The following ANKRD44 variants were observed in gnomAD, a reference collection of about 807,000 sequenced individuals.
ANKRD44 encodes the protein ankyrin repeat domain 44, also known as serine/threonine-protein phosphatase 6 regulatory ankyrin repeat subunit B.
Under a neutral mutation model 116.0 loss-of-function variants are expected in ANKRD44, and 35 were observed. The ratio of observed to expected loss-of-function variants is 0.30; its 90% CI spans 0.23 to 0.40. The LOEUF (loss-of-function observed/expected upper bound fraction) is 0.40. Ranked by LOEUF, ANKRD44 falls within the 10% of genes least tolerant of loss-of-function variation. ANKRD44 has a pLI of 1.00. For missense variants in ANKRD44, 1,014 were observed against 1,242.6 expected, an observed-to-expected ratio of 0.82 and a Z score of 2.77; for synonymous variants, 435 against 461.8, an observed-to-expected ratio of 0.94 and a Z score of 0.74.
intron 1 of ANKRD44, among the ~76,000 whole-genome samples, chr2:197,250,622 G>T (rs1398067962): frequency 6.6e-6 from 1 of 152,186 alleles, no homozygotes; most frequent in Non-Finnish European, 1.5e-5. Context: ...TCTAGTACCA[G>T]GCACCTTACT....
chr2:197,121,142 T>A (rs1444218838), intron 8 of ANKRD44, among the ~76,000 whole-genome samples, 190 bp downstream of exon 8: 1 of 152,126 alleles, frequency 6.6e-6, no homozygotes, highest in African/African-American at 2.4e-5. Context: ...TTCGTCAGGC[T>A]GGTCTTGAAC....
At chr2:196,991,674 G>C (rs974463802) in intron 27 of ANKRD44, among the ~76,000 whole-genome samples, 9 of 151,938 alleles carry the variant, frequency 5.9e-5, no homozygotes, top group African/African-American at 2.2e-4. Context: ...CTTGTCTTCC[G>C]GGCTCAAGCA....
intron 21 of ANKRD44, among the ~76,000 whole-genome samples, chr2:196,980,460 T>C (rs1005054466): frequency 6.6e-6 from 1 of 152,370 alleles, no homozygotes; most frequent in African/African-American, 2.4e-5. Context: ...TAGCTTTCTA[T>C]TTATTTAGTT....
intron 1 of ANKRD44, among the ~76,000 whole-genome samples, chr2:197,213,679 AC>A (rs900389981): frequency 6.6e-6 from 1 of 152,194 alleles, no homozygotes; most frequent in African/African-American, 2.4e-5. Flanking sequence ...ATGGAATTGG[AC>A]CTGTACACTG....
chr2:197,104,766 C>T (rs928363829), intron 9 of ANKRD44, among the ~76,000 whole-genome samples: 4 of 152,170 alleles, frequency 2.6e-5, no homozygotes, highest in Non-Finnish European at 4.4e-5. Context: ...ACTGGCAAAA[C>T]GCAGGGCTAG....
At chr2:197,064,617 A>C (rs2077391365) in intron 16 of ANKRD44, among the ~76,000 whole-genome samples, 2 of 152,260 alleles carry the variant, frequency 1.3e-5, no homozygotes, top group South Asian at 4.1e-4. Flanking sequence ...ATCTACCAAG[A>C]AAATGGAAAA....
chr2:197,262,741 T>C (rs1280919811), intron 1 of ANKRD44, among the ~76,000 whole-genome samples: 2 of 152,040 alleles, frequency 1.3e-5, no homozygotes, highest in African/African-American at 2.4e-5. Flanking sequence ...CTGTCTCTAA[T>C]AAAAATATTA....
At chr2:197,107,428 C>T (rs542411443) in intron 9 of ANKRD44, among the ~76,000 whole-genome samples, 254 of 152,280 alleles carry the variant, frequency 1.7e-3, no homozygotes, top group Middle Eastern at 0.01. Context: ...TGCTTTCCCT[C>T]TATTGCTGTG....
chr2:197,023,828 C>T (rs1204896324), intron 17 of ANKRD44, among the ~76,000 whole-genome samples: 1 of 152,226 alleles, frequency 6.6e-6, no homozygotes, highest in Non-Finnish European at 1.5e-5. Flanking sequence ...TAAGGGCCAA[C>T]TGGCATGAAG....
Position 197,063,797 on chromosome 2 carries a change from A to C in ANKRD44, c.1650+14906T>G, listed in dbSNP as rs1265915432. On this transcript the variant is annotated intron_variant, in intron 16 of 27. Coordinates refer to ENST00000282272, the MANE Select transcript of ANKRD44 (RefSeq NM_001195144.2). Reference sequence around the variant, plus strand: ...GAACAAAGCCTCCAAGAAATATGGGACTATGTGAAAAGACCAAATCTACGT... The same window carrying C: ...GAACAAAGCCTCCAAGAAATATGGGCCTATGTGAAAAGACCAAATCTACGT... Among the ~76,000 whole-genome samples the C allele has an allele frequency of 2.6e-5, 4 of 152,370 alleles. No individual in the cohort carries two copies. The East Asian group carries it at 7.7e-4, about 29-fold the overall frequency.
rs1269684255 is a variant in ANKRD44 at position 197,106,813 on chromosome 2, T to A, written c.985+3953A>T. Among the ~76,000 whole-genome samples, 509 of 145,832 alleles carry A rather than the reference T, an allele frequency of 3.5e-3. 3 individuals carry two copies. Among genetic ancestry groups the A allele is most frequent in the African/African-American group, 0.012 (467 of 40,170 alleles). ...TCAAATATATATATATATATTTTTTTTTTTTTTTCAGGAAAACATAACTTA... is the reference window on the plus strand; with the variant it reads ...TCAAATATATATATATATATTTTTTATTTTTTTTCAGGAAAACATAACTTA... On this transcript the variant is annotated intron_variant, in intron 9 of 27. Coordinates refer to ENST00000282272, the MANE Select transcript of ANKRD44 (RefSeq NM_001195144.2).
chr2:197,270,984 T>C (rs2082882597), intron 1 of ANKRD44, among the ~76,000 whole-genome samples: 3 of 152,124 alleles, frequency 2.0e-5, no homozygotes, highest in Non-Finnish European at 4.4e-5. Flanking sequence ...CAGGGCTGGC[T>C]CCATGAGCAA....
intron 1 of ANKRD44, among the ~76,000 whole-genome samples, chr2:197,296,804 G>GA (rs1157205865): frequency 4.6e-5 from 7 of 152,016 alleles, no homozygotes; most frequent in South Asian, 2.1e-4. Context: ...TTTTAAAAGG[G>GA]AAAAAACCCC....
At position 197,033,412 on chromosome 2, in the gene ANKRD44, C is replaced by T. The variant is rs138678662; in HGVS notation, c.1651-8145G>A. On this transcript the variant is annotated intron_variant, in intron 16 of 27. Coordinates refer to ENST00000282272, the MANE Select transcript of ANKRD44 (RefSeq NM_001195144.2). ...GCCGAAAGTTAGTAAGCATTTGCTA[C>T]GAGTCAAGCACTCTCCTAGGGGCCT... is the stretch of plus-strand genomic sequence containing the variant. Among the ~76,000 whole-genome samples the T allele has an allele frequency of 3.1e-3, 471 of 152,202 alleles. 2 individuals are homozygous for T. Among genetic ancestry groups the T allele is most frequent in the African/African-American group, 0.011 (440 of 41,522 alleles).
intron 8 of ANKRD44, among the ~76,000 whole-genome samples, chr2:197,115,018 A>T (rs754236253): frequency 2.2e-4 from 33 of 152,002 alleles, no homozygotes; most frequent in Non-Finnish European, 4.1e-4. Context: ...TCCACCTTCA[A>T]CTTCTCCAAC....
intron 25 of ANKRD44, among the ~76,000 whole-genome samples, chr2:196,996,747 T>C (rs1485749192): frequency 6.6e-6 from 1 of 151,522 alleles, no homozygotes; most frequent in African/African-American, 2.4e-5. Flanking sequence ...TCCTAAAAAA[T>C]ACAAAAATTA....
At chr2:196,994,061 A>T (rs1009562719) in intron 26 of ANKRD44, among the ~76,000 whole-genome samples, 1 of 152,244 alleles carries the variant, frequency 6.6e-6, no homozygotes, top group Non-Finnish European at 1.5e-5. Flanking sequence ...AATATCAGTC[A>T]TATATATGTA....
intron 3 of ANKRD44, among the ~76,000 whole-genome samples, chr2:197,137,414 G>A (rs13019159): frequency 0.021 from 3,125 of 152,282 alleles, 44 homozygotes; most frequent in Non-Finnish European, 0.033. Context: ...CAGAGGTGGC[G>A]CCTCAGGACA....
chr2:196,967,910 G>GCTCTCTCTCTCTCTCTCT (rs774707750), intron 21 of ANKRD44, among the ~76,000 whole-genome samples: 1 of 68,898 alleles, frequency 1.5e-5, no homozygotes, highest in Admixed American at 1.8e-4. Context: ...TCATGGCTTG[G>GCTCTCTCTCTCTCTCTCT]CACTCTCTCT....
Sources: gnomAD v4.1 joint callset for allele counts (sites outside exome capture counted in the v4.1 genomes callset) on GRCh38, gnomAD v4.1.1 for gene constraint, MANE v1.5 for transcripts, NCBI Gene and HGNC (gene_info 2026-07-23, HGNC 2026-07-21) for gene names.